DPH5: variants seen among roughly 807,000 people sequenced by gnomAD.
DPH5 encodes diphthamide biosynthesis 5, also known as diphthine methyl ester synthase.
In DPH5, 31 loss-of-function variants were observed where a neutral mutation model predicts 31.6. The observed-to-expected ratio is 0.98, with a 90% confidence interval of 0.74 to 1.32. The LOEUF is 1.32. Ranked by LOEUF, DPH5 falls within the 40% of genes most tolerant of loss-of-function variation. The pLI is 0.00. For synonymous variants in DPH5, 120 were observed against 115.0 expected, an observed-to-expected ratio of 1.04 and a Z score of -0.28; for missense variants, 309 against 335.7, an observed-to-expected ratio of 0.92 and a Z score of 0.62.
intron 3 of DPH5, among the ~76,000 whole-genome samples, chr1:101,016,098 T>G (rs1323206929): frequency 6.6e-6 from 1 of 152,206 alleles, no homozygotes; most frequent in Non-Finnish European, 1.5e-5. Context: ...CTCACATCTG[T>G]AATCCCAGCA....
intron 4 of DPH5, among the ~76,000 whole-genome samples, chr1:101,006,318 G>T (rs1308913870): frequency 2.0e-5 from 3 of 151,748 alleles, no homozygotes; most frequent in African/African-American, 7.3e-5. Context: ...TAGAAGAATG[G>T]CACAATTATA....
chr1:101,001,395 T>A, intron 5 of DPH5, 72 bp downstream of exon 5: 1 of 1,509,740 alleles, frequency 6.6e-7, no homozygotes, highest in South Asian at 1.2e-5. Flanking sequence ...CCACAGACCT[T>A]AACACAAAAT....
intron 4 of DPH5, among the ~76,000 whole-genome samples, chr1:101,012,843 C>T (rs1659798381): frequency 6.6e-6 from 1 of 152,220 alleles, no homozygotes; most frequent in Admixed American, 6.5e-5. Flanking sequence ...GAACTATTCT[C>T]TCCAAGTCAT....
chr1:101,013,809 T>G lies in DPH5; in HGVS notation c.270A>C (p.Thr90=), dbSNP rs766283412. 1.6e-5 allele frequency: 25 copies of G among 1,611,674 alleles called. No individual in the cohort carries two copies. Among genetic ancestry groups the G allele is most frequent in the Non-Finnish European group, 3.4e-6 (4 of 1,179,102 alleles). Residue 90 remains threonine (T), a synonymous_variant, in exon 4 of 8, where the codon ACA becomes ACC. Transcript: ENST00000370109. ...TTGCTCTTAGAACAAGATCACTGTG[T>G]GTTGTGGCCCTGTAGTGAGAAAAGA... ...LVVGDPFGAT[T]HSDLVLRATK...
chr1:101,025,557 G>A (rs1480386992), intron 1 of DPH5, 91 bp from the exon 2 acceptor site: 6 of 1,304,066 alleles, frequency 4.6e-6, no homozygotes, highest in Non-Finnish European at 6.3e-6. Flanking sequence ...AGTAGCACAA[G>A]AGAAGAGGCA....
At chr1:100,992,582 A>G in intron 7 of DPH5, 55 bp downstream of exon 7, 4 of 1,285,754 alleles carry the variant, frequency 3.1e-6, no homozygotes, top group Non-Finnish European at 4.5e-6. Context: ...TCATATACAC[A>G]TCTAAATGTA....
chr1:101,014,706 A>T (rs964737483), intron 3 of DPH5, among the ~76,000 whole-genome samples: 1 of 151,618 alleles, frequency 6.6e-6, no homozygotes, highest in African/African-American at 2.4e-5. Context: ...ACATTGTGTG[A>T]TACCATTTTA....
chr1:101,010,141 G>C (rs1659520143), intron 4 of DPH5, among the ~76,000 whole-genome samples: 1 of 152,094 alleles, frequency 6.6e-6, no homozygotes, highest in Non-Finnish European at 1.5e-5. Context: ...GGACCCTATT[G>C]GTCAAGTTTA....
At chr1:101,021,027 G>A (rs1336274638) in intron 3 of DPH5, among the ~76,000 whole-genome samples, 3 of 152,072 alleles carry the variant, frequency 2.0e-5, no homozygotes, top group Non-Finnish European at 4.4e-5. Context: ...TAAATCTTAG[G>A]TAACCAGCTG....
At chr1:101,000,180 T>G (rs868659204) in intron 5 of DPH5, among the ~76,000 whole-genome samples, 1 of 152,108 alleles carries the variant, frequency 6.6e-6, no homozygotes, top group African/African-American at 2.4e-5. Context: ...AAATCTTGTC[T>G]TATATTCTGA....
chr1:100,992,443 G>A (rs571644959), intron 7 of DPH5, among the ~76,000 whole-genome samples, 194 bp downstream of exon 7: 3 of 152,208 alleles, frequency 2.0e-5, no homozygotes, highest in South Asian at 4.2e-4. Context: ...ATAAAAGAAT[G>A]CCAATTTTTT....
chr1:101,024,380 G>A (rs113663314), intron 2 of DPH5, among the ~76,000 whole-genome samples: 6 of 152,280 alleles, frequency 3.9e-5, no homozygotes, highest in African/African-American at 1.2e-4. Context: ...TTGCACCCCA[G>A]CCTGGGCAAC....
At chr1:101,000,045 G>A (rs1035257807) in intron 5 of DPH5, among the ~76,000 whole-genome samples, 5 of 151,422 alleles carry the variant, frequency 3.3e-5, no homozygotes, top group Admixed American at 1.3e-4. Flanking sequence ...TACCCAGGGA[G>A]CCAAGGCAGG....
At chr1:101,021,817 AACACACACACACACACAC>A (rs67726104) in intron 2 of DPH5, 52 bp from the exon 3 acceptor site, 65 of 739,104 alleles carry the variant, frequency 8.8e-5, no homozygotes, top group African/African-American at 3.3e-4. Flanking sequence ...TGACCATTCT[AACACACACACACACACAC>A]ACACACACAC....
intron 2 of DPH5, among the ~76,000 whole-genome samples, chr1:101,024,502 C>T (rs1660687008): frequency 6.6e-6 from 1 of 152,038 alleles, no homozygotes; most frequent in Non-Finnish European, 1.5e-5. Flanking sequence ...GTTCTTAATT[C>T]CTTCTATAAG....
intron 4 of DPH5, among the ~76,000 whole-genome samples, chr1:101,005,852 C>T (rs1035486549): frequency 6.6e-6 from 1 of 151,806 alleles, no homozygotes; most frequent in Non-Finnish European, 1.5e-5. Context: ...TGTCCCCAAC[C>T]AAATCTCATC....
chr1:101,006,009 TTACTC>T (rs1221115027), intron 4 of DPH5, among the ~76,000 whole-genome samples: 6 of 152,118 alleles, frequency 3.9e-5, no homozygotes, highest in Non-Finnish European at 7.3e-5. Context: ...TTTCCCCCGT[TTACTC>T]TGCGCATCTC....
chr1:100,990,738 C>A, intron 7 of DPH5, 107 bp from the exon 8 acceptor site: 1 of 1,051,508 alleles, frequency 9.5e-7, no homozygotes, highest in Non-Finnish European at 1.4e-6. Flanking sequence ...CCCCAAATAT[C>A]TTAAATCTCT....
chr1:101,007,359 A>G (rs1659307048), intron 4 of DPH5, among the ~76,000 whole-genome samples: 1 of 152,204 alleles, frequency 6.6e-6, no homozygotes, highest in Admixed American at 6.5e-5. Flanking sequence ...AATGGAAGCA[A>G]TTCTGATTCT....
Sources: gnomAD v4.1 joint callset for allele counts (sites outside exome capture counted in the v4.1 genomes callset) on GRCh38, gnomAD v4.1.1 for gene constraint, MANE v1.5 for transcripts, NCBI Gene and HGNC (gene_info 2026-07-23, HGNC 2026-07-21) for gene names.